RASA3: variants seen among roughly 807,000 people sequenced by gnomAD.
The protein encoded by RASA3 is RAS p21 protein activator 3, also known as ras GTPase-activating protein 3.
RASA3 carries 73 observed loss-of-function variants against 110.0 expected under a neutral mutation model. The ratio of observed to expected loss-of-function variants is 0.66; its 90% CI spans 0.55 to 0.81. RASA3 has a LOEUF of 0.81. RASA3 is among the 30% of genes least tolerant of loss of function. RASA3 has a pLI of 0.00. For missense variants in RASA3, 976 were observed against 1,113.2 expected (o/e 0.88, Z 1.75); for synonymous variants, 500 against 451.4 (o/e 1.11, Z -1.37).
chr13:114,063,366 ACAAT>A (rs774753224), intron 2 of RASA3, among the ~76,000 whole-genome samples: 1 of 150,088 alleles, frequency 6.7e-6, no homozygotes, highest in South Asian at 2.1e-4. Flanking sequence ...TAACATAAAT[ACAAT>A]ATTTATAATA....
intron 1 of RASA3, among the ~76,000 whole-genome samples, chr13:114,106,463 C>A (rs761874165): frequency 2.6e-5 from 4 of 152,192 alleles, no homozygotes; most frequent in Non-Finnish European, 5.9e-5. Context: ...ACATTTCCTT[C>A]GTTTATATTG....
chr13:114,048,923 GC>G lies in RASA3; in HGVS notation c.277+3128del, dbSNP rs1225465105. Among the ~76,000 whole-genome samples the G allele has an allele frequency of 1.3e-5, 2 of 152,100 alleles. No individual in the cohort carries two copies. Among genetic ancestry groups the G allele is most frequent in the African/African-American group, 4.8e-5 (2 of 41,414 alleles). On this transcript the variant is annotated intron_variant, in intron 3 of 23. Transcript: ENST00000334062. The surrounding 1 kb of genome is among the most constrained non-coding windows in gnomAD (Gnocchi z 4.3). ...GCCTTTATTTCCCCAAGTCTCACTT[GC>G]CGGGGCGCCGTATCCCGGCACGGCT...
intron 1 of RASA3, among the ~76,000 whole-genome samples, chr13:114,079,492 A>G (rs1472062312): frequency 6.6e-6 from 1 of 152,246 alleles, no homozygotes; most frequent in African/African-American, 2.4e-5. Context: ...CTAGGCACAC[A>G]GCGTCTTCTA....
At chr13:114,023,278 C>G (rs1033253520) in intron 8 of RASA3, among the ~76,000 whole-genome samples, 1 of 143,612 alleles carries the variant, frequency 7.0e-6, no homozygotes, top group African/African-American at 2.6e-5. Context: ...ATCCCAGGCT[C>G]GGGGAACATC....
At chr13:114,073,659 G>A in intron 2 of RASA3, 61 bp downstream of exon 2, 1 of 1,336,410 alleles carries the variant, frequency 7.5e-7, no homozygotes, top group Non-Finnish European at 1.1e-6. Context: ...GTACACCCTT[G>A]GGACATTCTC....
At chr13:114,041,166 A>G (rs2054397846) in intron 3 of RASA3, 72 bp from the exon 4 acceptor site, 7 of 1,282,838 alleles carry the variant, frequency 5.5e-6, no homozygotes, top group Non-Finnish European at 7.9e-6. Flanking sequence ...AGCAGAAGCC[A>G]GCCCATCATC....
At position 113,979,305 on chromosome 13, in the gene RASA3, C is replaced by T. The variant is rs1319108037; in HGVS notation, c.*42G>A. The T allele has an allele frequency of 2.5e-5, 38 of 1,512,694 alleles. No homozygotes were observed. The highest frequency in any genetic ancestry group is 3.2e-5 in the Non-Finnish European group (35 of 1,088,466). 93.7% of individuals were successfully genotyped at this position (1,512,694 alleles called of 1,614,324 possible). A position where few individuals can be genotyped will look rare whatever the true frequency, so the allele number is the denominator to read the frequency against. On this transcript the variant is annotated 3_prime_UTR_variant, in exon 24 of 24. Transcript: ENST00000334062. ...CTCCCTCCCAAAGGCTGCGGCTTTG[C>T]ATGGGCAGCTTGCTGGCGCCACTGG...
chr13:114,032,408 G>A (rs947807171), intron 4 of RASA3, among the ~76,000 whole-genome samples: 1 of 152,150 alleles, frequency 6.6e-6, no homozygotes, highest in Non-Finnish European at 1.5e-5. Flanking sequence ...TGCCTTCTCA[G>A]GTCAAACTGA....
At chr13:113,997,685 A>T (rs1480722767) in intron 20 of RASA3, among the ~76,000 whole-genome samples, 1 of 152,156 alleles carries the variant, frequency 6.6e-6, no homozygotes, top group Non-Finnish European at 1.5e-5. Context: ...TGTTGCACAC[A>T]GAAGACAGGT....
Position 113,978,034 on chromosome 13 carries a change from T to C in RASA3, c.*1313A>G, listed in dbSNP as rs914990273. 6.6e-6 allele frequency: 1 copy of C among 152,194 alleles called. No individual in the cohort carries two copies. Among genetic ancestry groups the C allele is most frequent in the African/African-American group, 2.4e-5 (1 of 41,500 alleles). The allele number at this position is 152,194 out of a possible 1,614,324, so 9.4% of individuals were successfully genotyped here. A position where few individuals can be genotyped will look rare whatever the true frequency, so the allele number is the denominator to read the frequency against. Reference sequence around the variant, plus strand: ...ATTTTCAAACAAGAACCGGGAGAAGTCGGTACAAGGATACGTCGTGCTGTG... The same window carrying C: ...ATTTTCAAACAAGAACCGGGAGAAGCCGGTACAAGGATACGTCGTGCTGTG... On this transcript the variant is annotated 3_prime_UTR_variant, in exon 24 of 24. Coordinates refer to ENST00000334062, the MANE Select transcript of RASA3 (RefSeq NM_007368.4).
chr13:114,115,874 T>C lies in RASA3; in HGVS notation c.55+16561A>G, dbSNP rs939320248. 6.6e-6 allele frequency among the ~76,000 whole-genome samples: 1 copy of C among 152,234 alleles called. No homozygotes were observed. The highest frequency in any genetic ancestry group is 1.5e-5 in the Non-Finnish European group (1 of 68,028). On this transcript the variant is annotated intron_variant, in intron 1 of 23. Transcript: ENST00000334062. This position sits in a 1 kb window ranked among gnomAD's most constrained non-coding sequence, Gnocchi z 5.0. ...ATGTGAGATTATTCTTCTTGGTTAATATTTTACTTTCTGTCATAACCAGCA... is the reference window on the plus strand; with the variant it reads ...ATGTGAGATTATTCTTCTTGGTTAACATTTTACTTTCTGTCATAACCAGCA...
At chr13:114,067,036 G>A (rs936999003) in intron 2 of RASA3, among the ~76,000 whole-genome samples, 1 of 148,928 alleles carries the variant, frequency 6.7e-6, no homozygotes, top group Admixed American at 6.6e-5. Flanking sequence ...CCTGACCTGG[G>A]CTGAGGACTG....
In RASA3 at chr13:114,132,535, G is replaced by T. The variant is rs544975704; in HGVS notation, c.-46C>A. On this transcript the variant is annotated 5_prime_UTR_variant, in exon 1 of 24. Transcript: ENST00000334062. ...GAGCCTCGCCCCAAGCGCGCGCCGAGCCCGGGCAGCTCAGGCCGAGCAGGA... is the reference window on the plus strand; with the variant it reads ...GAGCCTCGCCCCAAGCGCGCGCCGATCCCGGGCAGCTCAGGCCGAGCAGGA... 7.0e-7 allele frequency: 1 copy of T among 1,425,660 alleles called. No homozygotes were observed. Among genetic ancestry groups the T allele is most frequent in the East Asian group, 3.1e-5 (1 of 32,694 alleles). The allele number at this position is 1,425,660 out of a possible 1,614,324, so 88.3% of individuals were successfully genotyped here.
intron 2 of RASA3, among the ~76,000 whole-genome samples, chr13:114,069,921 A>G (rs1594419179): frequency 1.3e-4 from 1 of 7,518 alleles, no homozygotes; most frequent in Non-Finnish European, 2.2e-4. Flanking sequence ...GGGGGGTGGG[A>G]GACTGGGGGG....
chr13:114,009,194 C>T (rs548354217), intron 17 of RASA3, among the ~76,000 whole-genome samples, 193 bp downstream of exon 17: 1 of 152,304 alleles, frequency 6.6e-6, no homozygotes, highest in South Asian at 2.1e-4. Flanking sequence ...AAGAGTTTAC[C>T]AACTGTGGGA....
intron 1 of RASA3, among the ~76,000 whole-genome samples, chr13:114,090,116 G>A (rs1157910855): frequency 6.6e-6 from 1 of 152,206 alleles, no homozygotes; most frequent in Non-Finnish European, 1.5e-5. Context: ...GTGTGCACAA[G>A]TTCCCATGTG....
intron 2 of RASA3, among the ~76,000 whole-genome samples, chr13:114,054,293 AAC>A (rs1222430141): frequency 6.6e-6 from 1 of 152,266 alleles, no homozygotes; most frequent in Non-Finnish European, 1.5e-5. Flanking sequence ...AAAAGATTTG[AAC>A]ACACATATCA....
At chr13:114,005,400 T>C (rs929034342) in intron 18 of RASA3, among the ~76,000 whole-genome samples, 10 of 152,076 alleles carry the variant, frequency 6.6e-5, no homozygotes, top group Non-Finnish European at 1.3e-4. Context: ...CAGGGACCTC[T>C]GGGTGGAGGT....
intron 1 of RASA3, among the ~76,000 whole-genome samples, chr13:114,128,468 A>G (rs2080478108): frequency 6.6e-6 from 1 of 152,206 alleles, no homozygotes; most frequent in South Asian, 2.1e-4. Flanking sequence ...CTTCTAGCCC[A>G]GGAGCTGGGG....
Sources: gnomAD v4.1 joint callset for allele counts (sites outside exome capture counted in the v4.1 genomes callset) on GRCh38, gnomAD v4.1.1 for gene constraint, Gnocchi (gnomAD v3.1) non-coding constraint, MANE v1.5 for transcripts, NCBI Gene and HGNC (gene_info 2026-07-23, HGNC 2026-07-21) for gene names.